The following NUMB variants were observed in gnomAD, a reference collection of about 807,000 sequenced individuals.
NUMB encodes NUMB endocytic adaptor protein.
A neutral mutation model predicts 59.7 loss-of-function variants in NUMB; 29 were observed. That is an observed-to-expected ratio of 0.49 (90% CI 0.36 to 0.66). The LOEUF is 0.66. NUMB is among the 30% of genes least tolerant of loss of function. NUMB has a pLI of 0.00. For missense variants in NUMB, 723 were observed against 822.0 expected, an observed-to-expected ratio of 0.88 and a Z score of 1.47; for synonymous variants, 288 against 288.2, an observed-to-expected ratio of 1.00 and a Z score of 0.01.
chr14:73,278,999 C>T (rs1218232991), intron 12 of NUMB, among the ~76,000 whole-genome samples: 1 of 152,176 alleles, frequency 6.6e-6, no homozygotes, highest in African/African-American at 2.4e-5. Context: ...GCTGGGATTA[C>T]AGGCATGTGC....
In NUMB at chr14:73,283,212, A is replaced by G. The variant is rs76057246; in HGVS notation, c.950-707T>C. ...AGTTTTTATTCCCTGTCTGCCCTAG[A>G]AGGAGACTGAACTGAAATGAGGTAC... On this transcript the variant is annotated intron_variant, in intron 10 of 12. Coordinates refer to ENST00000555238, the MANE Select transcript of NUMB (RefSeq NM_001005743.2). Among the ~76,000 whole-genome samples, 435 of 152,322 alleles carry G rather than the reference A, an allele frequency of 2.9e-3. 2 individuals carry two copies. Among genetic ancestry groups the G allele is most frequent in the African/African-American group, 0.01 (420 of 41,566 alleles).
intron 4 of NUMB, among the ~76,000 whole-genome samples, chr14:73,353,757 T>G (rs1356616646): frequency 6.6e-6 from 1 of 151,648 alleles, no homozygotes; most frequent in Non-Finnish European, 1.5e-5. Context: ...ATTTCCAAAC[T>G]GCCTCCCTAA....
At chr14:73,389,098 T>TAAAAA (rs71112747) in intron 2 of NUMB, among the ~76,000 whole-genome samples, 3 of 95,754 alleles carry the variant, frequency 3.1e-5, no homozygotes, top group Non-Finnish European at 5.9e-5. Flanking sequence ...GACTCTGCCT[T>TAAAAA]AAAAAAAAAA....
intron 4 of NUMB, among the ~76,000 whole-genome samples, chr14:73,339,406 TGCCCCAGA>T (rs1892514901): frequency 6.6e-6 from 1 of 152,208 alleles, no homozygotes; most frequent in Non-Finnish European, 1.5e-5. Context: ...GGCACTCTCC[TGCCCCAGA>T]GCCTTTGTAC....
intron 2 of NUMB, among the ~76,000 whole-genome samples, chr14:73,398,415 A>AGAGAGAGAGTGT (rs1438462148): frequency 1.4e-4 from 17 of 118,878 alleles, no homozygotes; most frequent in African/African-American, 5.0e-4. Flanking sequence ...AGAGAGAGAG[A>AGAGAGAGAGTGT]GTGTGTGTGT....
At chr14:73,330,581 G>A (rs2139945746) in intron 4 of NUMB, among the ~76,000 whole-genome samples, 1 of 152,270 alleles carries the variant, frequency 6.6e-6, no homozygotes, top group African/African-American at 2.4e-5. Flanking sequence ...CTTCTAAAAT[G>A]AGAATACAGC....
chr14:73,400,969 A>G (rs1293907012), intron 2 of NUMB, among the ~76,000 whole-genome samples: 3 of 152,206 alleles, frequency 2.0e-5, no homozygotes, highest in African/African-American at 7.2e-5. Context: ...AATTAATTGA[A>G]CCAAAAGAGG....
At chr14:73,279,532 A>G (rs549898117) in intron 11 of NUMB, 108 bp from the exon 12 acceptor site, 7 of 1,031,876 alleles carry the variant, frequency 6.8e-6, no homozygotes, top group African/African-American at 4.9e-5. Flanking sequence ...TGGAATGGAT[A>G]AGAGAGAAGA....
At chr14:73,395,037 T>TTATATG (rs1230785169) in intron 2 of NUMB, among the ~76,000 whole-genome samples, 1 of 119,922 alleles carries the variant, frequency 8.3e-6, no homozygotes, top group African/African-American at 3.1e-5. Flanking sequence ...ATTCGTGTGT[T>TTATATG]TGTGTGTGTG....
chr14:73,355,021 T>C (rs1893706620), intron 4 of NUMB, among the ~76,000 whole-genome samples: 1 of 152,134 alleles, frequency 6.6e-6, no homozygotes, highest in South Asian at 2.1e-4. Context: ...GTAAATAACA[T>C]ACATATTTCT....
At chr14:73,379,476 G>T (rs984506574) in intron 2 of NUMB, among the ~76,000 whole-genome samples, 7 of 152,076 alleles carry the variant, frequency 4.6e-5, no homozygotes, top group African/African-American at 1.7e-4. Context: ...AAATAATGAA[G>T]AAACAAATAC....
Position 73,355,668 on chromosome 14 carries a change from A to C in NUMB, c.84T>G (p.Asp28Glu). ...EASRPHQWQT[D>E]EEGVRTGKCS... Reference sequence around the variant, plus strand: ...ATTTTCCGGTGCGAACGCCTTCTTCATCTGTCTGCCACTGATGTGGACGAC... The same window carrying C: ...ATTTTCCGGTGCGAACGCCTTCTTCCTCTGTCTGCCACTGATGTGGACGAC... Residue 28 changes from aspartate to glutamate, a missense_variant, in exon 4 of 13, where the codon GAT becomes GAG. This residue lies in a region of NUMB where 317 missense variants were observed against 436.6 expected (regional missense o/e 0.73). Coordinates refer to ENST00000555238, the MANE Select transcript of NUMB (RefSeq NM_001005743.2). 6.2e-7 allele frequency: 1 copy of C among 1,613,906 alleles called. No individual in the cohort carries two copies. Among genetic ancestry groups the C allele is most frequent in the Non-Finnish European group, 8.5e-7 (1 of 1,179,878 alleles).
intron 1 of NUMB, among the ~76,000 whole-genome samples, chr14:73,421,096 C>A (rs1392440903): frequency 6.6e-6 from 1 of 152,152 alleles, no homozygotes; most frequent in Non-Finnish European, 1.5e-5. Context: ...AAATAGGTAA[C>A]CTATCTGTTC....
chr14:73,411,630 C>T (rs1272902801), intron 1 of NUMB, among the ~76,000 whole-genome samples: 1 of 152,064 alleles, frequency 6.6e-6, no homozygotes, highest in Non-Finnish European at 1.5e-5. Flanking sequence ...ACTTTATATT[C>T]CTAGCATCTA....
chr14:73,324,255 G>A (rs868276969), intron 4 of NUMB, among the ~76,000 whole-genome samples: 7 of 152,124 alleles, frequency 4.6e-5, no homozygotes, highest in East Asian at 1.9e-4. Flanking sequence ...TTTGCTCACC[G>A]TGCATTTCCT....
chr14:73,381,862 G>T (rs148086850), intron 2 of NUMB, among the ~76,000 whole-genome samples: 1 of 152,046 alleles, frequency 6.6e-6, no homozygotes, highest in Non-Finnish European at 1.5e-5. Context: ...AATAATGCAA[G>T]TAAGAGAAGA....
chr14:73,429,226 G>A (rs572802969), intron 1 of NUMB, among the ~76,000 whole-genome samples: 1 of 152,136 alleles, frequency 6.6e-6, no homozygotes, highest in East Asian at 1.9e-4. Flanking sequence ...AAAAAAATTA[G>A]CCGGGCGTGG....
At chr14:73,432,391 T>A (rs538022916) in intron 1 of NUMB, among the ~76,000 whole-genome samples, 6 of 152,092 alleles carry the variant, frequency 3.9e-5, no homozygotes, top group Admixed American at 2.0e-4. Flanking sequence ...TGACTTAAGA[T>A]CCTCATTGAA....
chr14:73,279,087 C>T (rs1261661354), intron 12 of NUMB, among the ~76,000 whole-genome samples, 194 bp downstream of exon 12: 1 of 152,210 alleles, frequency 6.6e-6, no homozygotes, highest in Non-Finnish European at 1.5e-5. Context: ...TTCCACAGTC[C>T]TAATGACTAT....
Sources: allele counts gnomAD v4.1 joint callset (sites outside exome capture counted in the v4.1 genomes callset), GRCh38; gene constraint gnomAD v4.1.1; regional missense constraint gnomAD v4.1.1; transcripts MANE v1.5; gene names NCBI Gene and HGNC (gene_info 2026-07-23, HGNC 2026-07-21).